The following SLC22A15 variants were observed in gnomAD, a reference collection of about 807,000 sequenced individuals.
SLC22A15 encodes the protein flipt 1.
Under a neutral mutation model 62.7 loss-of-function variants are expected in SLC22A15, and 45 were observed. The observed-to-expected ratio is 0.72, with a 90% CI of 0.56 to 0.92. The LOEUF is 0.92. Ranked by LOEUF, SLC22A15 falls within the 40% of genes least tolerant of loss-of-function variation. The pLI is 0.00. For synonymous variants in SLC22A15, 264 were observed against 267.0 expected, an observed-to-expected ratio of 0.99 and a Z score of 0.11; for missense variants, 622 against 665.6, an observed-to-expected ratio of 0.93 and a Z score of 0.72.
intron 2 of SLC22A15, among the ~76,000 whole-genome samples, chr1:115,993,990 C>T (rs750816424): frequency 1.4e-4 from 22 of 152,314 alleles, no homozygotes; most frequent in Non-Finnish European, 5.9e-5. Flanking sequence ...CTTTCAGTGT[C>T]ACCTTCCCCG....
chr1:115,994,963 A>G (rs1689088), intron 2 of SLC22A15, among the ~76,000 whole-genome samples: 11,826 of 152,180 alleles, frequency 0.078, 570 homozygotes, highest in Admixed American at 0.12. Flanking sequence ...GTTCTTTAGT[A>G]TCTTTTGACC....
chr1:115,995,756 T>C (rs1296536399), intron 2 of SLC22A15, among the ~76,000 whole-genome samples: 1 of 152,246 alleles, frequency 6.6e-6, no homozygotes, highest in African/African-American at 2.4e-5. Context: ...CTGAATTATT[T>C]TGGAACTCAA....
At chr1:116,044,648 A>G (rs1657881735) in intron 8 of SLC22A15, among the ~76,000 whole-genome samples, 1 of 152,220 alleles carries the variant, frequency 6.6e-6, no homozygotes, top group African/African-American at 2.4e-5. Context: ...AGTCCTAAGG[A>G]ATATACAAAA....
rs566742064 is a variant in SLC22A15, at chr1:115,987,285, C to A, written c.88-4746C>A. 1.6e-4 allele frequency among the ~76,000 whole-genome samples: 25 copies of A among 151,918 alleles called. No homozygotes were observed. The East Asian group carries it at 4.8e-3, about 29-fold the overall frequency. ...GGTTCACGCCATTCTCCTGCCTCAG[C>A]CTCCCCAGCAGCTGGGACTACAGGC... On this transcript the variant is annotated intron_variant, in intron 1 of 11. Coordinates refer to ENST00000369503, the MANE Select transcript of SLC22A15 (RefSeq NM_018420.3).
chr1:116,046,155 G>T (rs1251819760), intron 8 of SLC22A15, among the ~76,000 whole-genome samples: 1 of 152,112 alleles, frequency 6.6e-6, no homozygotes, highest in African/African-American at 2.4e-5. Flanking sequence ...ACAACTACTA[G>T]AAGAGAACAT....
chr1:115,979,150 AC>A (rs1654471546), intron 1 of SLC22A15, among the ~76,000 whole-genome samples: 1 of 152,200 alleles, frequency 6.6e-6, no homozygotes, highest in Non-Finnish European at 1.5e-5. Flanking sequence ...TTTACCCCAA[AC>A]ACATCTATGT....
intron 1 of SLC22A15, among the ~76,000 whole-genome samples, chr1:115,984,322 T>C (rs1333107681): frequency 6.6e-6 from 1 of 152,228 alleles, no homozygotes; most frequent in Non-Finnish European, 1.5e-5. Context: ...CTTTACTACC[T>C]GCTCAAGTAT....
chr1:116,064,070 A>G (rs1658442333), intron 9 of SLC22A15, among the ~76,000 whole-genome samples: 1 of 152,182 alleles, frequency 6.6e-6, no homozygotes, highest in South Asian at 2.1e-4. Context: ...AAAATATTCA[A>G]ATGCTCATTT....
chr1:115,999,375 G>T (rs886182018), intron 2 of SLC22A15, among the ~76,000 whole-genome samples: 1 of 152,128 alleles, frequency 6.6e-6, no homozygotes, highest in African/African-American at 2.4e-5. Flanking sequence ...GACCTATCTA[G>T]TGCTGAAAGT....
At chr1:116,026,257 CA>C (rs57477952) in intron 4 of SLC22A15, among the ~76,000 whole-genome samples, 4,286 of 140,852 alleles carry the variant, frequency 0.03, 184 homozygotes, top group African/African-American at 0.095. Flanking sequence ...AATAAAAATA[CA>C]AAAAAAAAAA....
At chr1:116,018,028 C>T (rs964259345) in intron 2 of SLC22A15, among the ~76,000 whole-genome samples, 3 of 152,148 alleles carry the variant, frequency 2.0e-5, no homozygotes, top group African/African-American at 7.2e-5. Context: ...ATAAAATTTA[C>T]CATTTTATTC....
At chr1:116,000,446 T>C (rs1330698208) in intron 2 of SLC22A15, among the ~76,000 whole-genome samples, 2 of 152,134 alleles carry the variant, frequency 1.3e-5, no homozygotes, top group African/African-American at 4.8e-5. Context: ...CTTCTTATAC[T>C]GTCTATTTCT....
In SLC22A15 at chr1:116,031,474, C is replaced by A; in HGVS notation, c.837C>A (p.Phe279Leu). The A allele has an allele frequency of 6.2e-7, 1 of 1,614,010 alleles. No individual in the cohort carries two copies. Among genetic ancestry groups the A allele is most frequent in the South Asian group, 1.1e-5 (1 of 91,080 alleles). Residue 279 changes from phenylalanine (F) to leucine (L), a missense_variant, in exon 6 of 12, where the codon TTC becomes TTA. Physicochemically the swap from Phe to Leu is conservative, Grantham distance 22. Coordinates refer to ENST00000369503, the MANE Select transcript of SLC22A15 (RefSeq NM_018420.3). The stretch of plus-strand genomic sequence containing the variant: ...GGAACCGCAAACTCAAGTGCACGTT[C>A]TCACTAACACACCCAGCCAACAGGA... Reference protein sequence around the residue: ...AKRNRKLKCTFSLTHPANRSC... With the variant: ...AKRNRKLKCTLSLTHPANRSC...
At chr1:115,992,356 T>C in intron 2 of SLC22A15, 113 bp downstream of exon 2, 1 of 957,848 alleles carries the variant, frequency 1.0e-6, no homozygotes, top group Non-Finnish European at 1.6e-6. Flanking sequence ...AACTTTCTAG[T>C]AAATTTAAAA....
At chr1:115,983,532 T>TG (rs367696136) in intron 1 of SLC22A15, among the ~76,000 whole-genome samples, 1 of 152,152 alleles carries the variant, frequency 6.6e-6, no homozygotes, top group Admixed American at 6.5e-5. Flanking sequence ...TGTATACTGT[T>TG]GCGGGAGCTC....
chr1:116,056,733 G>A (rs1658217921), intron 8 of SLC22A15, among the ~76,000 whole-genome samples: 1 of 152,272 alleles, frequency 6.6e-6, no homozygotes, highest in Admixed American at 6.5e-5. Flanking sequence ...ACAGAACAAA[G>A]CCCTCAGATG....
At chr1:115,991,982 T>C (rs756512942) in intron 1 of SLC22A15, 49 bp from the exon 2 acceptor site, 1 of 1,540,170 alleles carries the variant, frequency 6.5e-7, no homozygotes, top group African/African-American at 1.4e-5. Context: ...GTCTTCAACA[T>C]TGATGGCAAA....
intron 1 of SLC22A15, among the ~76,000 whole-genome samples, chr1:115,985,730 C>T (rs1239714741): frequency 6.6e-6 from 1 of 151,816 alleles, no homozygotes; most frequent in East Asian, 1.9e-4. Context: ...AGGTGGATCA[C>T]AATGTCAGGA....
chr1:116,052,082 G>A (rs959483200), intron 8 of SLC22A15, among the ~76,000 whole-genome samples: 22 of 152,340 alleles, frequency 1.4e-4, no homozygotes, highest in African/African-American at 3.8e-4. Flanking sequence ...CACCATGCGC[G>A]AGCCGAAGCA....
Sources: gnomAD v4.1 joint callset for allele counts (sites outside exome capture counted in the v4.1 genomes callset) on GRCh38, gnomAD v4.1.1 for gene constraint, MANE v1.5 for transcripts, NCBI Gene and HGNC (gene_info 2026-07-23, HGNC 2026-07-21) for gene names.